The following FHIT variants were observed in gnomAD, a reference collection of about 807,000 sequenced individuals.
FHIT encodes the protein fragile histidine triad diadenosine triphosphatase.
A neutral mutation model predicts 17.9 loss-of-function variants in FHIT; 19 were observed. The observed-to-expected ratio is 1.06, with a 90% confidence interval of 0.74 to 1.56. The LOEUF is 1.56. Ranked by LOEUF, FHIT falls within the 40% of genes most tolerant of loss-of-function variation. The pLI is 0.00. For synonymous variants in FHIT, 81 were observed against 69.7 expected (o/e 1.16, Z -0.81); for missense variants, 248 against 189.2 (o/e 1.31, Z -1.82).
chr3:60,172,526 T>G (rs1701467305), intron 5 of FHIT, among the ~76,000 whole-genome samples: 1 of 152,072 alleles, frequency 6.6e-6, no homozygotes. Context: ...TCCGCCTGCC[T>G]TGGCCTCCCA....
intron 4 of FHIT, among the ~76,000 whole-genome samples, chr3:60,585,216 T>A (rs1428560894): frequency 6.6e-6 from 1 of 151,918 alleles, no homozygotes. Flanking sequence ...ATTCTGAAAA[T>A]TTCTAAGCTT....
intron 4 of FHIT, among the ~76,000 whole-genome samples, chr3:60,684,381 C>A (rs782285565): frequency 6.6e-6 from 1 of 152,092 alleles, no homozygotes; most frequent in South Asian, 2.1e-4. Flanking sequence ...GATGTGGATA[C>A]GTTTGCAGAG....
chr3:60,457,589 A>G (rs2032185698), intron 5 of FHIT, among the ~76,000 whole-genome samples: 1 of 152,204 alleles, frequency 6.6e-6, no homozygotes, highest in Non-Finnish European at 1.5e-5. Flanking sequence ...ATGGGATCCA[A>G]TTAAACTAAA....
chr3:60,583,729 G>A (rs914874421), intron 4 of FHIT, among the ~76,000 whole-genome samples: 13 of 152,094 alleles, frequency 8.5e-5, no homozygotes, highest in African/African-American at 3.1e-4. Flanking sequence ...TGAATAAGGT[G>A]TCCTGTATTC....
intron 5 of FHIT, among the ~76,000 whole-genome samples, chr3:60,412,823 G>A (rs1314250145): frequency 1.3e-5 from 2 of 152,128 alleles, no homozygotes; most frequent in Non-Finnish European, 2.9e-5. Flanking sequence ...TATGGGGGTG[G>A]GTTTCCCCCA....
intron 3 of FHIT, among the ~76,000 whole-genome samples, chr3:60,975,713 AT>A (rs1469621743): frequency 7.2e-5 from 11 of 152,324 alleles, no homozygotes; most frequent in African/African-American, 2.6e-4. Context: ...TCTATCTGTA[AT>A]ATGACTGTGT....
chr3:60,790,681 G>A (rs564223102), intron 4 of FHIT, among the ~76,000 whole-genome samples: 4 of 152,244 alleles, frequency 2.6e-5, no homozygotes, highest in African/African-American at 9.6e-5. Context: ...TATGGAGCAG[G>A]GGCATTTTTA....
intron 4 of FHIT, among the ~76,000 whole-genome samples, chr3:60,791,728 T>C (rs1166566532): frequency 6.6e-6 from 1 of 152,200 alleles, no homozygotes; most frequent in Non-Finnish European, 1.5e-5. Context: ...TGTCAGGTGT[T>C]AACAAATTGT....
At chr3:60,423,939 A>C (rs973643068) in intron 5 of FHIT, among the ~76,000 whole-genome samples, 1 of 152,142 alleles carries the variant, frequency 6.6e-6, no homozygotes, top group Non-Finnish European at 1.5e-5. Context: ...ACAGCTACTA[A>C]AACACTGATA....
At chr3:60,991,682 G>GA (rs1167766575) in intron 3 of FHIT, among the ~76,000 whole-genome samples, 2 of 152,106 alleles carry the variant, frequency 1.3e-5, no homozygotes, top group African/African-American at 4.8e-5. Flanking sequence ...GTCTTCACGT[G>GA]AAAACTATAA....
At chr3:61,215,808 T>C (rs968167086) in intron 1 of FHIT, among the ~76,000 whole-genome samples, 5 of 152,148 alleles carry the variant, frequency 3.3e-5, no homozygotes, top group African/African-American at 1.2e-4. Context: ...TATAGATCAA[T>C]GGAACAGTAC....
Position 60,697,664 on chromosome 3 carries a change from A to T in FHIT, c.-18+124255T>A, listed in dbSNP as rs553139199. On this transcript the variant is annotated intron_variant, in intron 4 of 9. Transcript: ENST00000492590. ...GGAAAATAAACCACAGATAAAATGC[A>T]TTCTTAAAAGTCTTAGTCATTTCAT... Among the ~76,000 whole-genome samples, 8 of 152,302 alleles carry T rather than the reference A, an allele frequency of 5.3e-5. No individual in the cohort carries two copies. The East Asian group carries it at 1.5e-3, about 29-fold the overall frequency.
intron 3 of FHIT, among the ~76,000 whole-genome samples, chr3:60,955,051 T>C (rs979819879): frequency 4.6e-5 from 7 of 152,156 alleles, no homozygotes; most frequent in Admixed American, 1.3e-4. Context: ...GTTTTTAAAT[T>C]CAAAATTTAA....
At chr3:60,903,817 G>C (rs1706246826) in intron 3 of FHIT, among the ~76,000 whole-genome samples, 1 of 152,118 alleles carries the variant, frequency 6.6e-6, no homozygotes. Flanking sequence ...TCCAAGAATT[G>C]GACTGCCAAT....
At chr3:61,202,058 GCACATAGATACACACACACACACA>G (rs1197975830) in intron 1 of FHIT, among the ~76,000 whole-genome samples, 2 of 150,192 alleles carry the variant, frequency 1.3e-5, no homozygotes, top group Non-Finnish European at 3.0e-5. Flanking sequence ...ATATATACAC[GCACATAGATACACACACACACACA>G]CACACACACG....
chr3:60,921,934 G>T (rs1707309450), intron 3 of FHIT, among the ~76,000 whole-genome samples: 1 of 152,138 alleles, frequency 6.6e-6, no homozygotes, highest in South Asian at 2.1e-4. Context: ...GCCAGGCTCT[G>T]CCCACAGTAG....
At chr3:60,370,780 G>A (rs1028294823) in intron 5 of FHIT, among the ~76,000 whole-genome samples, 1 of 152,008 alleles carries the variant, frequency 6.6e-6, no homozygotes. Flanking sequence ...CTTCAAACTG[G>A]TCTCTTCCCT....
At chr3:60,319,884 G>C (rs1027703286) in intron 5 of FHIT, among the ~76,000 whole-genome samples, 3 of 152,112 alleles carry the variant, frequency 2.0e-5, no homozygotes, top group African/African-American at 4.8e-5. Context: ...GGAAGGGGTA[G>C]GGTAGGTGCC....
At chr3:61,039,466 A>G (rs534072427) in intron 3 of FHIT, among the ~76,000 whole-genome samples, 2 of 152,182 alleles carry the variant, frequency 1.3e-5, no homozygotes, top group East Asian at 1.9e-4. Flanking sequence ...ATTTCCATCA[A>G]TGACAGACTG....
Sources: allele counts gnomAD v4.1 joint callset (sites outside exome capture counted in the v4.1 genomes callset), GRCh38; gene constraint gnomAD v4.1.1; transcripts MANE v1.5; gene names NCBI Gene and HGNC (gene_info 2026-07-23, HGNC 2026-07-21).